The following EYS variants were observed in gnomAD, a reference collection of about 807,000 sequenced individuals.
The protein encoded by EYS is EGF-like photoreceptor maintenance factor.
A neutral mutation model predicts 282.1 loss-of-function variants in EYS; 250 were observed. That is an observed-to-expected ratio of 0.89 (90% CI 0.80 to 0.98). The LOEUF (loss-of-function observed/expected upper bound fraction) is 0.98. EYS is among the 50% of genes least tolerant of loss of function. The pLI is 0.00. For missense variants in EYS, 4,016 were observed against 3,709.0 expected, an observed-to-expected ratio of 1.08 and a Z score of -2.15; for synonymous variants, 1,355 against 1,282.9, an observed-to-expected ratio of 1.06 and a Z score of -1.20.
chr6:64,898,446 G>A (rs533339104), intron 18 of EYS, among the ~76,000 whole-genome samples: 1 of 152,190 alleles, frequency 6.6e-6, no homozygotes, highest in South Asian at 2.1e-4. Flanking sequence ...AACGGCTCCT[G>A]AAGGAGGCAT....
intron 32 of EYS, among the ~76,000 whole-genome samples, 168 bp downstream of exon 32, chr6:64,081,684 TAAAG>T (rs1165094706): frequency 1.3e-5 from 2 of 152,212 alleles, no homozygotes; most frequent in Non-Finnish European, 2.9e-5. Flanking sequence ...GAATGACTCA[TAAAG>T]AAACTTCTAG....
intron 2 of EYS, among the ~76,000 whole-genome samples, chr6:65,557,206 C>T (rs1483352009): frequency 1.3e-5 from 2 of 152,156 alleles, no homozygotes; most frequent in Admixed American, 6.5e-5. Context: ...ACCTGCTAGG[C>T]TTGCTCCGCC....
intron 22 of EYS, among the ~76,000 whole-genome samples, chr6:64,656,039 C>T (rs1381666607): frequency 1.3e-5 from 2 of 152,058 alleles, no homozygotes; most frequent in Non-Finnish European, 2.9e-5. Flanking sequence ...ATGTTTGCTT[C>T]TATTTTCTCT....
intron 33 of EYS, among the ~76,000 whole-genome samples, chr6:64,008,587 T>C (rs533304838): frequency 6.6e-6 from 1 of 151,690 alleles, no homozygotes; most frequent in East Asian, 1.9e-4. Flanking sequence ...AATTGTGTTT[T>C]TGTAGTGGCT....
At chr6:63,923,883 ACT>A (rs970109322) in intron 35 of EYS, among the ~76,000 whole-genome samples, 6 of 152,026 alleles carry the variant, frequency 3.9e-5, no homozygotes, top group African/African-American at 1.4e-4. Flanking sequence ...CCTAACCTTT[ACT>A]CTCCTTATAG....
chr6:65,611,694 T>C (rs1766008398), intron 2 of EYS, among the ~76,000 whole-genome samples: 1 of 152,142 alleles, frequency 6.6e-6, no homozygotes, highest in Non-Finnish European at 1.5e-5. Context: ...GCAAGATTTC[T>C]ATACCTTTAC....
chr6:64,324,463 A>G (rs1770334859), intron 29 of EYS, among the ~76,000 whole-genome samples: 2 of 152,202 alleles, frequency 1.3e-5, no homozygotes, highest in Admixed American at 6.6e-5. Flanking sequence ...TCAACGAACT[A>G]GGCATTGAAG....
intron 26 of EYS, among the ~76,000 whole-genome samples, chr6:64,582,511 A>C (rs1023918911): frequency 6.6e-6 from 1 of 151,902 alleles, no homozygotes; most frequent in Non-Finnish European, 1.5e-5. Flanking sequence ...GCTGTGTTCC[A>C]GTAAAATTGT....
At chr6:64,221,983 T>C (rs543324309) in intron 31 of EYS, among the ~76,000 whole-genome samples, 16 of 152,170 alleles carry the variant, frequency 1.1e-4, no homozygotes, top group African/African-American at 3.4e-4. Context: ...ACACAAAGTT[T>C]CCATTTCCTA....
chr6:64,546,757 A>G (rs1298890697), intron 26 of EYS, among the ~76,000 whole-genome samples: 1 of 152,210 alleles, frequency 6.6e-6, no homozygotes, highest in African/African-American at 2.4e-5. Flanking sequence ...ATGCAGCCAA[A>G]AGACACATGA....
At chr6:64,819,015 C>T (rs1764821950) in intron 21 of EYS, among the ~76,000 whole-genome samples, 1 of 152,142 alleles carries the variant, frequency 6.6e-6, no homozygotes, top group African/African-American at 2.4e-5. Flanking sequence ...CATGTAACAC[C>T]TTGCCCTATA....
At chr6:65,324,133 C>T (rs1223382366) in intron 11 of EYS, among the ~76,000 whole-genome samples, 5 of 151,412 alleles carry the variant, frequency 3.3e-5, no homozygotes, top group African/African-American at 4.8e-5. Context: ...TGCCTGGCTA[C>T]GCTATATAAA....
intron 2 of EYS, among the ~76,000 whole-genome samples, chr6:65,580,594 T>G (rs1057220166): frequency 9.9e-5 from 15 of 152,108 alleles, no homozygotes; most frequent in Non-Finnish European, 1.5e-5. Flanking sequence ...ATTGCATTCT[T>G]TGAAGCAATT....
chr6:65,543,189 T>C (rs1768239850), intron 2 of EYS, among the ~76,000 whole-genome samples: 1 of 151,428 alleles, frequency 6.6e-6, no homozygotes, highest in East Asian at 1.9e-4. Context: ...GGGCTAATTT[T>C]TGTATTTTTA....
intron 12 of EYS, among the ~76,000 whole-genome samples, chr6:65,089,973 A>G (rs1043960219): frequency 1.0e-5 from 1 of 99,360 alleles, no homozygotes; most frequent in African/African-American, 4.2e-5. Context: ...ATATATATAT[A>G]TAAATAAATA....
intron 12 of EYS, among the ~76,000 whole-genome samples, chr6:65,156,028 T>A (rs1297600204): frequency 6.6e-6 from 1 of 151,438 alleles, no homozygotes; most frequent in East Asian, 1.9e-4. Flanking sequence ...TTGCTTTAAC[T>A]TTTAACTTCT....
At chr6:65,614,466 T>C (rs1029818582) in intron 2 of EYS, among the ~76,000 whole-genome samples, 3 of 138,262 alleles carry the variant, frequency 2.2e-5, no homozygotes, top group Non-Finnish European at 4.5e-5. Flanking sequence ...ATCCAGAATA[T>C]GTTGCATTAA....
chr6:64,979,818 A>G (rs151170764), intron 14 of EYS, among the ~76,000 whole-genome samples: 2 of 151,834 alleles, frequency 1.3e-5, no homozygotes, highest in East Asian at 3.9e-4. Flanking sequence ...TTTAAAAGAT[A>G]TACTATTGTA....
At chr6:64,324,095 G>T (rs921363668) in intron 29 of EYS, among the ~76,000 whole-genome samples, 1 of 152,058 alleles carries the variant, frequency 6.6e-6, no homozygotes, top group Non-Finnish European at 1.5e-5. Context: ...ACATGGGATT[G>T]TTCAGAGCCT....
Sources: allele counts gnomAD v4.1 joint callset (sites outside exome capture counted in the v4.1 genomes callset), GRCh38; gene constraint gnomAD v4.1.1; transcripts MANE v1.5; gene names NCBI Gene and HGNC (gene_info 2026-07-23, HGNC 2026-07-21).